PRMT7: variants seen among roughly 807,000 people sequenced by gnomAD.
PRMT7 encodes the protein protein arginine N-methyltransferase 7.
In PRMT7, 75 loss-of-function variants were observed where a neutral mutation model predicts 85.4. The observed-to-expected ratio is 0.88, with a 90% confidence interval of 0.73 to 1.06. PRMT7 has a LOEUF of 1.06. Ranked by LOEUF, PRMT7 falls within the 50% of genes least tolerant of loss-of-function variation. The pLI is 0.00. For synonymous variants in PRMT7, 397 were observed against 359.5 expected (o/e 1.10, Z -1.18); for missense variants, 868 against 915.2 (o/e 0.95, Z 0.67).
intron 3 of PRMT7, among the ~76,000 whole-genome samples, chr16:68,317,626 G>T (rs1359640021): frequency 1.3e-5 from 2 of 152,112 alleles, no homozygotes; most frequent in Non-Finnish European, 2.9e-5. Context: ...TCGGGAGTTC[G>T]AGACCAGCCT....
chr16:68,355,620 A>T, intron 16 of PRMT7, 103 bp from the exon 17 acceptor site: 2 of 1,231,994 alleles, frequency 1.6e-6, no homozygotes, highest in Non-Finnish European at 2.1e-6. Context: ...GGGAGAACGC[A>T]CACCCCTTGT....
chr16:68,350,246 TAGAG>T (rs1289317624), intron 14 of PRMT7, among the ~76,000 whole-genome samples: 6 of 152,248 alleles, frequency 3.9e-5, no homozygotes, highest in African/African-American at 4.8e-5. Context: ...TCACTGGTCT[TAGAG>T]AGGATGTATG....
At chr16:68,318,554 G>C (rs367971822) in intron 3 of PRMT7, among the ~76,000 whole-genome samples, 2 of 152,102 alleles carry the variant, frequency 1.3e-5, no homozygotes, top group East Asian at 3.9e-4. Context: ...TTATTGTTCA[G>C]ATGGAGTCTT....
At chr16:68,354,446 A>C (rs1405879969) in intron 16 of PRMT7, 1 of 152,280 alleles carries the variant, frequency 6.6e-6, no homozygotes, top group South Asian at 2.1e-4. Context: ...GCAGCTATGC[A>C]TCGGGAGGTG....
At chr16:68,352,173 G>A in intron 14 of PRMT7, 75 bp from the exon 15 acceptor site, 1 of 1,476,482 alleles carries the variant, frequency 6.8e-7, no homozygotes, top group African/African-American at 1.4e-5. Flanking sequence ...GTGGCCTGTT[G>A]CTTCCGTGTT....
chr16:68,358,966 A>C (rs2089041708), downstream of PRMT7: 1 of 152,606 alleles, frequency 6.6e-6, no homozygotes, highest in Non-Finnish European at 1.5e-5. Context: ...GGGGCCGCAC[A>C]TCCTTACTCT....
chr16:68,335,906 A>G (rs778576562), intron 6 of PRMT7, among the ~76,000 whole-genome samples: 4 of 151,496 alleles, frequency 2.6e-5, no homozygotes, highest in Non-Finnish European at 5.9e-5. Context: ...CCTCTCAAGT[A>G]GCTGGGATTA....
chr16:68,338,198 G>A (rs1257190963), intron 7 of PRMT7, among the ~76,000 whole-genome samples: 1 of 152,178 alleles, frequency 6.6e-6, no homozygotes, highest in Non-Finnish European at 1.5e-5. Context: ...TTAAAAGGCT[G>A]TGGAATCGTC....
At chr16:68,340,212 G>A (rs938756736) in intron 9 of PRMT7, among the ~76,000 whole-genome samples, 1 of 152,110 alleles carries the variant, frequency 6.6e-6, no homozygotes, top group South Asian at 2.1e-4. Flanking sequence ...TTCCTCTCCC[G>A]CCTCATCATG....
chr16:68,318,122 C>A (rs762279402), intron 3 of PRMT7, among the ~76,000 whole-genome samples: 1 of 151,766 alleles, frequency 6.6e-6, no homozygotes, highest in African/African-American at 2.4e-5. Flanking sequence ...CAGTATAATA[C>A]AATTATCTTA....
Position 68,339,971 on chromosome 16 carries a change from A to G in PRMT7, c.927+3A>G. 1 of 1,605,848 alleles carries G rather than the reference A, an allele frequency of 6.2e-7. No homozygotes were observed. The highest frequency in any genetic ancestry group is 8.5e-7 in the Non-Finnish European group (1 of 1,176,242). On this transcript the variant is annotated splice_donor_region_variant and intron_variant, in intron 9 of 18. Transcript: ENST00000441236. Reference sequence around the variant, plus strand: ...ACTCAGACCCAGAGGAGATGCAGGTAAGAGGCAGGAGCCTAGCATGTGCCC... The same window carrying G: ...ACTCAGACCCAGAGGAGATGCAGGTGAGAGGCAGGAGCCTAGCATGTGCCC...
downstream of PRMT7, chr16:68,358,711 G>A (rs1213395070): frequency 6.6e-6 from 1 of 152,564 alleles, no homozygotes; most frequent in Non-Finnish European, 1.5e-5. Context: ...CGCGCCTTGT[G>A]GCTTCCTTTG....
intron 2 of PRMT7, among the ~76,000 whole-genome samples, chr16:68,314,142 A>G (rs2044362785): frequency 6.6e-6 from 1 of 152,232 alleles, no homozygotes; most frequent in Non-Finnish European, 1.5e-5. Flanking sequence ...AGATTTTAGT[A>G]GTAGAGTTTT....
At chr16:68,337,695 T>A in intron 7 of PRMT7, 124 bp downstream of exon 7, 1 of 429,474 alleles carries the variant, frequency 2.3e-6, no homozygotes, top group Non-Finnish European at 3.8e-6. Context: ...GGGACACCCC[T>A]CCATTCCTGG....
In PRMT7 at chr16:68,321,788, A is replaced by G. The variant is rs933343327; in HGVS notation, c.132+326A>G. 3 of 237,566 alleles carry G rather than the reference A, an allele frequency of 1.3e-5. No individual in the cohort carries two copies. The Admixed American group carries it at 1.6e-4, about 13-fold the overall frequency. 14.7% of individuals were successfully genotyped at this position (237,566 alleles called of 1,614,324 possible). A position where few individuals can be genotyped will look rare whatever the true frequency, so the allele number is the denominator to read the frequency against. On this transcript the variant is annotated intron_variant, in intron 4 of 18. Transcript: ENST00000441236. The stretch of plus-strand genomic sequence containing the variant: ...GCCTCATACTTTTTTGTGTGTGGTG[A>G]GAACATTTAAGATCTACTCGCTTAG...
In PRMT7 at chr16:68,352,351, C is replaced by A. The variant is rs1304493050; in HGVS notation, c.1517C>A (p.Pro506Gln). 6 of 1,611,630 alleles carry A rather than the reference C, an allele frequency of 3.7e-6. No individual in the cohort carries two copies. Among genetic ancestry groups the A allele is most frequent in the Non-Finnish European group, 4.2e-6 (5 of 1,179,952 alleles). The stretch of plus-strand genomic sequence containing the variant: ...ACCGCTGTGGACCAGCACCTGGGGC[C>A]AGGTGCCATGGTGATGCCCCAGGCA... Reference protein sequence around the residue: ...VRTAVDQHLGPGAMVMPQAAS... With the variant: ...VRTAVDQHLGQGAMVMPQAAS... Residue 506 changes from proline to glutamine, a missense_variant, in exon 15 of 19, where the codon CCA (proline) becomes CAA (glutamine). By Grantham distance (76) the Pro-to-Gln change is moderately conservative (BLOSUM62 -1). Transcript: ENST00000441236.
chr16:68,356,588 G>A, intron 17 of PRMT7, 113 bp from the exon 18 acceptor site: 1 of 758,752 alleles, frequency 1.3e-6, no homozygotes, highest in Non-Finnish European at 2.2e-6. Context: ...CTCCCGGCAG[G>A]GCAGGAAGGA....
chr16:68,314,187 C>T (rs1389345061), intron 2 of PRMT7, among the ~76,000 whole-genome samples: 1 of 152,088 alleles, frequency 6.6e-6, no homozygotes, highest in Non-Finnish European at 1.5e-5. Context: ...ACCTGACTGC[C>T]GGCCTGAGTT....
rs746397449 is a variant in PRMT7 at position 68,357,056 on chromosome 16, G to A, written c.1911G>A (p.Gly637=). The A allele has an allele frequency of 3.6e-5, 58 of 1,605,530 alleles. No individual in the cohort carries two copies. The Admixed American group carries it at 9.6e-4, about 27-fold the overall frequency. Residue 637 remains glycine, a splice_region_variant and synonymous_variant, in exon 19 of 19, where the codon GGG becomes GGA. Transcript: ENST00000441236. ...TGLLEPADPE[G]GCCWNPHCKQ... is the part of the protein sequence containing the mutation. The stretch of plus-strand genomic sequence containing the variant: ...TCTTCCTGCTCTTCTTCCTACAGGG[G>A]GGCTGCTGCTGGAACCCCCACTGCA...
Sources: allele counts gnomAD v4.1 joint callset (sites outside exome capture counted in the v4.1 genomes callset), GRCh38; gene constraint gnomAD v4.1.1; transcripts MANE v1.5; gene names NCBI Gene and HGNC (gene_info 2026-07-23, HGNC 2026-07-21).